The following RAB2B variants were observed in gnomAD, a reference collection of about 807,000 sequenced individuals.
The protein encoded by RAB2B is ras-related protein Rab-2B.
A neutral mutation model predicts 29.8 loss-of-function variants in RAB2B; 20 were observed. The ratio of observed to expected loss-of-function variants is 0.67; its 90% CI spans 0.47 to 0.97. The LOEUF (loss-of-function observed/expected upper bound fraction) is 0.97, where lower values mean the gene tolerates loss of function less well. Ranked by LOEUF, RAB2B falls within the 50% of genes least tolerant of loss-of-function variation. The pLI, the probability that RAB2B is intolerant of heterozygous loss-of-function variation, is 0.00. For missense variants in RAB2B, 218 were observed against 272.0 expected, an observed-to-expected ratio of 0.80 and a Z score of 1.40; for synonymous variants, 93 against 91.7, an observed-to-expected ratio of 1.01 and a Z score of -0.08.
intron 3 of RAB2B, among the ~76,000 whole-genome samples, chr14:21,471,741 T>C (rs1262949886): frequency 2.0e-5 from 3 of 150,188 alleles, no homozygotes; most frequent in African/African-American, 7.4e-5. Context: ...AGTGGCATGA[T>C]CTTGGCTCAC....
At chr14:21,470,860 AAATCACTC>A (rs1356169731) in intron 3 of RAB2B, among the ~76,000 whole-genome samples, 2 of 152,096 alleles carry the variant, frequency 1.3e-5, no homozygotes, top group African/African-American at 4.8e-5. Flanking sequence ...TTTTAAAATC[AAATCACTC>A]ACCAGGCGCA....
intron 5 of RAB2B, among the ~76,000 whole-genome samples, chr14:21,465,296 C>T (rs937817288): frequency 6.6e-6 from 1 of 152,220 alleles, no homozygotes; most frequent in African/African-American, 2.4e-5. Flanking sequence ...CATTTCCACA[C>T]TGATACATAA....
chr14:21,475,578 C>T (rs925739603), intron 2 of RAB2B, among the ~76,000 whole-genome samples: 2 of 152,064 alleles, frequency 1.3e-5, no homozygotes, highest in Non-Finnish European at 1.5e-5. Flanking sequence ...TACAGGCACA[C>T]GCCACAACGC....
In RAB2B at chr14:21,463,704, T is replaced by A. The variant is rs1463275421; in HGVS notation, c.426A>T (p.Gly142=). ...EEGEAFAREH[G]LIFMETSAKT... Reference sequence around the variant, plus strand: ...TGGCTGAAGTTTCCATGAATATAAGTCCATGCTCCCTAGCAAAGGCCTCTC... The same window carrying A: ...TGGCTGAAGTTTCCATGAATATAAGACCATGCTCCCTAGCAAAGGCCTCTC... Residue 142 remains glycine, a synonymous_variant, in exon 6 of 8, where the codon GGA becomes GGT. Coordinates refer to ENST00000397762, the MANE Select transcript of RAB2B (RefSeq NM_032846.4). 3.1e-6 allele frequency: 5 copies of A among 1,613,912 alleles called. No individual in the cohort carries two copies. The African/African-American group carries it at 6.7e-5, about 22-fold the overall frequency.
At chr14:21,463,793 AT>A (rs370632261) in intron 5 of RAB2B, 26 bp from the exon 6 acceptor site, 117 of 1,428,776 alleles carry the variant, frequency 8.2e-5, no homozygotes, top group Admixed American at 1.7e-4. Context: ...TAAGGAGAAA[AT>A]TTAAAAAAAA....
chr14:21,461,830 C>T (rs547866015), intron 7 of RAB2B, among the ~76,000 whole-genome samples: 1 of 152,192 alleles, frequency 6.6e-6, no homozygotes, highest in South Asian at 2.1e-4. Flanking sequence ...TCAGCCTCTC[C>T]AAGTGCTGAG....
At chr14:21,462,468 T>G in intron 6 of RAB2B, 50 bp from the exon 7 acceptor site, 1 of 1,446,438 alleles carries the variant, frequency 6.9e-7, no homozygotes, top group Non-Finnish European at 9.6e-7. Flanking sequence ...GGTAGAGAAA[T>G]GAGGGAAAGA....
intron 5 of RAB2B, among the ~76,000 whole-genome samples, chr14:21,464,486 C>T (rs1202308484): frequency 2.6e-5 from 4 of 152,016 alleles, no homozygotes; most frequent in Non-Finnish European, 1.5e-5. Flanking sequence ...GAGCATCTTC[C>T]TTTTTTACTG....
chr14:21,465,741 T>C (rs900719588), intron 5 of RAB2B, among the ~76,000 whole-genome samples: 1 of 152,150 alleles, frequency 6.6e-6, no homozygotes, highest in Non-Finnish European at 1.5e-5. Flanking sequence ...CCAAAACCCT[T>C]ACTCAGGCCT....
intron 5 of RAB2B, among the ~76,000 whole-genome samples, chr14:21,464,972 C>G (rs369014398): frequency 9.2e-5 from 14 of 151,854 alleles, no homozygotes; most frequent in Middle Eastern, 3.4e-3. Context: ...GTACTCCAGC[C>G]TGGGCAACAG....
At chr14:21,476,458 TA>T in intron 2 of RAB2B, 69 bp downstream of exon 2, 1 of 1,588,376 alleles carries the variant, frequency 6.3e-7, no homozygotes, top group Non-Finnish European at 8.6e-7. Flanking sequence ...TGAAGGCTGC[TA>T]ACTTTCCACT....
rs774710654 is a variant in RAB2B at position 21,460,173 on chromosome 14, A to AT, written c.*1022_*1023insA. On this transcript the variant is annotated 3_prime_UTR_variant, in exon 8 of 8. Transcript: ENST00000397762. ...AGGCAAGGAAGAAAAAAACTCAATGAAATTCCGAGGCAGAGGATCTATCAA... is the reference window on the plus strand; with the variant it reads ...AGGCAAGGAAGAAAAAAACTCAATGATAATTCCGAGGCAGAGGATCTATCAA... The AT allele has an allele frequency of 6.0e-5, 31 of 518,852 alleles. No homozygotes were observed. The highest frequency in any genetic ancestry group is 6.0e-4 in the African/African-American group (31 of 51,948). 32.1% of individuals were successfully genotyped at this position (518,852 alleles called of 1,614,324 possible).
intron 3 of RAB2B, among the ~76,000 whole-genome samples, chr14:21,469,629 ATACCCTG>A (rs1463837806): frequency 6.6e-6 from 1 of 152,176 alleles, no homozygotes; most frequent in East Asian, 1.9e-4. Context: ...AATAATATGA[ATACCCTG>A]TACATTGAAT....
In RAB2B at chr14:21,474,933, A is replaced by C; in HGVS notation, c.120T>G (p.Gly40=). 1 of 1,613,746 alleles carries C rather than the reference A, an allele frequency of 6.2e-7. No individual in the cohort carries two copies. Among genetic ancestry groups the C allele is most frequent in the Middle Eastern group, 1.6e-4 (1 of 6,062 alleles). The change falls in exon 3 of 8, where the codon GGT becomes GGG. Residue 40 remains glycine, a splice_region_variant and synonymous_variant. Coordinates refer to ENST00000397762, the MANE Select transcript of RAB2B (RefSeq NM_032846.4). ...TGACCATACGAGCTCCAAACTCCAC[A>C]CCTGTCGGTAAAGACCGAGAGAAAG... The part of the protein sequence containing the change: ...RFQPVHDLTI[G]VEFGARMVNI...
chr14:21,470,978 T>C (rs1594413926), intron 3 of RAB2B, among the ~76,000 whole-genome samples: 1 of 118,732 alleles, frequency 8.4e-6, no homozygotes, highest in African/African-American at 3.6e-5. Flanking sequence ...TGAAACCCCA[T>C]CTCTGCTAAA....
intron 5 of RAB2B, among the ~76,000 whole-genome samples, chr14:21,465,205 T>C (rs1890659660): frequency 6.6e-6 from 1 of 152,228 alleles, no homozygotes; most frequent in Non-Finnish European, 1.5e-5. Flanking sequence ...CCAGGGAAGA[T>C]CTAAATGTCA....
chr14:21,476,661 T>C (rs191527823), intron 1 of RAB2B, 62 bp from the exon 2 acceptor site: 1 of 1,613,242 alleles, frequency 6.2e-7, no homozygotes, highest in East Asian at 2.2e-5. Context: ...GAGTATGGAC[T>C]TCCCGGACCA....
intron 5 of RAB2B, among the ~76,000 whole-genome samples, chr14:21,467,134 CCTGA>C (rs1212501367): frequency 1.3e-5 from 2 of 151,448 alleles, no homozygotes; most frequent in Non-Finnish European, 2.9e-5. Flanking sequence ...GTCTTGAACT[CCTGA>C]CTTTCTAATC....
intron 2 of RAB2B, 25 bp from the exon 3 acceptor site, chr14:21,474,959 A>G: frequency 2.5e-6 from 4 of 1,606,960 alleles, no homozygotes; most frequent in Non-Finnish European, 2.6e-6. Flanking sequence ...CGAGAGAAAG[A>G]ATGTGATTCT....
Sources: gnomAD v4.1 joint callset for allele counts (sites outside exome capture counted in the v4.1 genomes callset) on GRCh38, gnomAD v4.1.1 for gene constraint, MANE v1.5 for transcripts, NCBI Gene and HGNC (gene_info 2026-07-23, HGNC 2026-07-21) for gene names.